LARGE1: variants seen among roughly 807,000 people sequenced by gnomAD.
LARGE1 encodes the protein LARGE xylosyl- and glucuronyltransferase 1.
A neutral mutation model predicts 87.6 loss-of-function variants in LARGE1; 43 were observed. The observed-to-expected ratio is 0.49, with a 90% CI of 0.38 to 0.63. The LOEUF (loss-of-function observed/expected upper bound fraction) is 0.63. Ranked by LOEUF, LARGE1 falls within the 30% of genes least tolerant of loss-of-function variation. The probability of loss-of-function intolerance (pLI) is 0.00; values close to 1 mark genes in which losing one functional copy is unlikely to be tolerated. For missense variants in LARGE1, 802 were observed against 1,000.2 expected, an observed-to-expected ratio of 0.80 and a Z score of 2.67; for synonymous variants, 434 against 394.6, an observed-to-expected ratio of 1.10 and a Z score of -1.18.
chr22:33,507,483 T>C (rs891615777), intron 6 of LARGE1, among the ~76,000 whole-genome samples: 1 of 152,092 alleles, frequency 6.6e-6, no homozygotes, highest in Admixed American at 6.6e-5. Context: ...TCCACTTATA[T>C]GGGATACCTA....
chr22:33,829,996 C>T (rs982972973), intron 1 of LARGE1, among the ~76,000 whole-genome samples: 22 of 152,106 alleles, frequency 1.4e-4, no homozygotes, highest in African/African-American at 5.3e-4. Context: ...GAGATGGAAG[C>T]AAAAGTGCTT....
chr22:33,530,883 A>G (rs550112200), intron 6 of LARGE1, among the ~76,000 whole-genome samples: 142 of 152,334 alleles, frequency 9.3e-4, no homozygotes, highest in African/African-American at 3.0e-3. Context: ...AAAGAACAGT[A>G]TCTTATTGAC....
At chr22:33,507,805 G>T (rs1428011552) in intron 6 of LARGE1, among the ~76,000 whole-genome samples, 1 of 151,910 alleles carries the variant, frequency 6.6e-6, no homozygotes, top group East Asian at 1.9e-4. Context: ...ATCTATGGAA[G>T]TTTAGGAACT....
intron 6 of LARGE1, among the ~76,000 whole-genome samples, chr22:33,545,917 A>G (rs1602355942): frequency 6.6e-6 from 1 of 152,134 alleles, no homozygotes; most frequent in African/African-American, 2.4e-5. Flanking sequence ...ATAGCATTTG[A>G]TTCTGCTGTT....
intron 1 of LARGE1, among the ~76,000 whole-genome samples, chr22:33,778,025 A>T (rs1055942189): frequency 2.0e-5 from 3 of 152,206 alleles, no homozygotes; most frequent in Admixed American, 6.5e-5. Flanking sequence ...TTCAGGGATG[A>T]CCTGTGACAC....
At chr22:33,089,397 TTC>T in the LARGE1 span, among the ~76,000 whole-genome samples, 1 of 143,994 alleles carries the variant, frequency 6.9e-6, no homozygotes, top group East Asian at 2.1e-4. Context: ...CCTCTTCTTC[TTC>T]TTTCTTCTTC....
At chr22:33,405,464 T>C (rs560178399) in intron 7 of LARGE1, among the ~76,000 whole-genome samples, 64 of 152,200 alleles carry the variant, frequency 4.2e-4, no homozygotes, top group Non-Finnish European at 7.5e-4. Context: ...TCTGTCTCTG[T>C]TGTCATTCAT....
At chr22:33,845,605 G>A (rs2146456080) in intron 1 of LARGE1, among the ~76,000 whole-genome samples, 1 of 152,248 alleles carries the variant, frequency 6.6e-6, no homozygotes, top group South Asian at 2.1e-4. Flanking sequence ...ACCACGCCTG[G>A]CCTATAATGG....
At chr22:33,107,119 G>A in the LARGE1 span, among the ~76,000 whole-genome samples, 10 of 152,234 alleles carry the variant, frequency 6.6e-5, no homozygotes, top group Middle Eastern at 3.4e-3. Context: ...AAGAGTTCAG[G>A]TCCTATTTCA....
intron 6 of LARGE1, among the ~76,000 whole-genome samples, chr22:33,483,908 G>C (rs1034613872): frequency 2.6e-5 from 4 of 152,262 alleles, no homozygotes; most frequent in Middle Eastern, 3.4e-3. Flanking sequence ...GGCATGGCCT[G>C]GCAGCAGAGG....
At chr22:33,891,049 TGCATATGG>T (rs1486449081) in intron 1 of LARGE1, among the ~76,000 whole-genome samples, 6 of 144,154 alleles carry the variant, frequency 4.2e-5, no homozygotes, top group African/African-American at 1.7e-4. Context: ...TACGGTTCTG[TGCATATGG>T]GAAGCTGCAT....
At chr22:33,551,173 A>C (rs1307962327) in intron 6 of LARGE1, among the ~76,000 whole-genome samples, 1 of 152,246 alleles carries the variant, frequency 6.6e-6, no homozygotes, top group African/African-American at 2.4e-5. Context: ...ATAAAATTGT[A>C]TATGTACCCC....
At chr22:33,751,857 T>A (rs959298209) in intron 2 of LARGE1, among the ~76,000 whole-genome samples, 3 of 151,946 alleles carry the variant, frequency 2.0e-5, no homozygotes, top group Non-Finnish European at 4.4e-5. Context: ...AACATTCGCC[T>A]CCAGGGTTCA....
chr22:33,125,081 G>A, the LARGE1 span, among the ~76,000 whole-genome samples: 5 of 152,172 alleles, frequency 3.3e-5, no homozygotes, highest in African/African-American at 4.8e-5. Flanking sequence ...GGGTATTGCC[G>A]TGGCAAAGGG....
At chr22:33,730,796 G>A (rs1055917846) in intron 2 of LARGE1, among the ~76,000 whole-genome samples, 1 of 151,592 alleles carries the variant, frequency 6.6e-6, no homozygotes. Flanking sequence ...TGGTTCAAGC[G>A]ATTCTTTTGC....
At chr22:33,308,208 G>T (rs1935155048) in intron 11 of LARGE1, among the ~76,000 whole-genome samples, 1 of 152,180 alleles carries the variant, frequency 6.6e-6, no homozygotes, top group South Asian at 2.1e-4. Flanking sequence ...ACCAGGGCTG[G>T]AAGGAATTCT....
In LARGE1 at chr22:33,558,155, T is replaced by A. The variant is rs540159766; in HGVS notation, c.787+6693A>T. 2.3e-4 allele frequency among the ~76,000 whole-genome samples: 35 copies of A among 152,290 alleles called. 2 individuals carry two copies. Among genetic ancestry groups the A allele is most frequent in the South Asian group, 2.3e-3 (11 of 4,818 alleles). On this transcript the variant is annotated intron_variant, in intron 6 of 14. Coordinates refer to ENST00000397394, the MANE Select transcript of LARGE1 (RefSeq NM_133642.5). ...TGAATGTGAGATGCGTGGAAATCTG[T>A]CCATGTTGAGCCCTAGAAGGGGGCA... is the stretch of plus-strand genomic sequence containing the variant.
intron 11 of LARGE1, among the ~76,000 whole-genome samples, chr22:33,210,632 G>A (rs1200484949): frequency 6.6e-6 from 1 of 152,248 alleles, no homozygotes; most frequent in Non-Finnish European, 1.5e-5. Context: ...TGGCCTGATG[G>A]CACCTAGCCT....
intron 12 of LARGE1, among the ~76,000 whole-genome samples, chr22:33,298,791 A>G (rs112283722): frequency 0.059 from 9,054 of 152,222 alleles, 674 homozygotes; most frequent in African/African-American, 0.17. Context: ...TGATTGCACC[A>G]CTGCACTCCA....
Sources: gnomAD v4.1 joint callset for allele counts (sites outside exome capture counted in the v4.1 genomes callset) on GRCh38, gnomAD v4.1.1 for gene constraint, MANE v1.5 for transcripts, NCBI Gene and HGNC (gene_info 2026-07-23, HGNC 2026-07-21) for gene names.